The following FAM193A variants were observed in gnomAD, a reference collection of about 807,000 sequenced individuals.
FAM193A encodes family with sequence similarity 193 member A.
Under a neutral mutation model 126.5 loss-of-function variants are expected in FAM193A, and 22 were observed. That is an observed-to-expected ratio of 0.17 (90% confidence interval 0.12 to 0.25). The LOEUF (loss-of-function observed/expected upper bound fraction) is 0.25, where lower values mean the gene tolerates loss of function less well. Ranked by LOEUF, FAM193A falls within the 10% of genes least tolerant of loss-of-function variation. The pLI is 1.00. For synonymous variants in FAM193A, 761 were observed against 646.8 expected, an observed-to-expected ratio of 1.18 and a Z score of -2.68; for missense variants, 1,675 against 1,672.8, an observed-to-expected ratio of 1.00 and a Z score of -0.02.
chr4:2,577,373 T>G (rs530787018), intron 1 of FAM193A, among the ~76,000 whole-genome samples: 9 of 151,702 alleles, frequency 5.9e-5, no homozygotes, highest in Admixed American at 3.3e-4. Flanking sequence ...TGTTTCTTGC[T>G]AAATCAAGTT....
intron 13 of FAM193A, 36 bp from the exon 14 acceptor site, chr4:2,689,470 A>C: frequency 6.8e-7 from 1 of 1,465,952 alleles, no homozygotes; most frequent in Non-Finnish European, 9.2e-7. Flanking sequence ...ACAGAATATT[A>C]ATTTTGATAT....
intron 6 of FAM193A, among the ~76,000 whole-genome samples, chr4:2,640,801 C>A (rs186635776): frequency 1.1e-4 from 16 of 152,014 alleles, no homozygotes; most frequent in Admixed American, 1.0e-3. Flanking sequence ...CCCGTCTCTA[C>A]TAAAAATATA....
At chr4:2,569,117 G>C (rs1487320926) in intron 1 of FAM193A, among the ~76,000 whole-genome samples, 1 of 151,730 alleles carries the variant, frequency 6.6e-6, no homozygotes, top group Admixed American at 6.6e-5. Flanking sequence ...CTACAGGTGT[G>C]CATCACCGCA....
rs774300248 is a variant in FAM193A, at chr4:2,659,684, G to C, written c.1502+14G>C. The C allele has an allele frequency of 6.2e-7, 1 of 1,613,140 alleles. No individual in the cohort carries two copies. Among genetic ancestry groups the C allele is most frequent in the Non-Finnish European group, 8.5e-7 (1 of 1,179,060 alleles). On this transcript the variant is annotated intron_variant, in intron 9 of 20. Transcript: ENST00000637812. ...CTACAGGAGAAGGTAAGGCTGGGTT[G>C]TGGTGTCAGCACGACTGGCCCATTG...
At chr4:2,668,878 T>G (rs575523055) in intron 12 of FAM193A, among the ~76,000 whole-genome samples, 42 of 151,560 alleles carry the variant, frequency 2.8e-4, no homozygotes, top group Non-Finnish European at 4.7e-4. Context: ...AGTCACACTC[T>G]GTTGTCCAGG....
intron 20 of FAM193A, among the ~76,000 whole-genome samples, chr4:2,724,192 AGC>A (rs1720480385): frequency 6.6e-6 from 1 of 152,230 alleles, no homozygotes; most frequent in East Asian, 1.9e-4. Context: ...AATTTCAATC[AGC>A]TTTGACCACA....
intron 20 of FAM193A, 97 bp from the exon 21 acceptor site, chr4:2,731,678 G>GT: frequency 2.1e-6 from 2 of 930,706 alleles, no homozygotes; most frequent in South Asian, 1.4e-5. Context: ...CCCGCAGTGA[G>GT]TTTCTGGCAA....
intron 5 of FAM193A, among the ~76,000 whole-genome samples, chr4:2,638,127 G>C (rs1280534012): frequency 6.6e-6 from 1 of 152,228 alleles, no homozygotes; most frequent in African/African-American, 2.4e-5. Context: ...TCTTCCAGGA[G>C]GCCCCTCCCT....
intron 2 of FAM193A, chr4:2,608,030 C>G: frequency 4.4e-6 from 7 of 1,606,078 alleles, no homozygotes; most frequent in African/African-American, 4.0e-5. Context: ...CCACGCACTT[C>G]ACGTCCGGGT....
At chr4:2,569,560 C>T (rs1006272790) in intron 1 of FAM193A, among the ~76,000 whole-genome samples, 9 of 151,938 alleles carry the variant, frequency 5.9e-5, no homozygotes, top group Non-Finnish European at 1.0e-4. Context: ...GTGCAGTGGC[C>T]GATCATGACT....
intron 20 of FAM193A, among the ~76,000 whole-genome samples, chr4:2,716,385 G>A (rs760477863): frequency 4.0e-5 from 6 of 149,082 alleles, no homozygotes; most frequent in South Asian, 2.2e-4. Context: ...ACTGGCTGTT[G>A]CGCTTCTGAG....
chr4:2,570,931 C>G (rs1020265647), intron 1 of FAM193A, among the ~76,000 whole-genome samples: 22 of 152,182 alleles, frequency 1.4e-4, no homozygotes, highest in African/African-American at 5.3e-4. Flanking sequence ...TTCTCTTCTG[C>G]CGTACACTTC....
rs1172438654 is a variant in FAM193A, at chr4:2,671,639, T to C, written c.2080-482T>C. Among the ~76,000 whole-genome samples the C allele has an allele frequency of 2.0e-5, 3 of 152,182 alleles. No individual in the cohort carries two copies. In the East Asian group the frequency reaches 5.8e-4, roughly 29 times the overall value. ...GCCTCAGAATGGTTGCCTTTGACAA[T>C]TGTGTTCAGTTTTACATTTGCCCTG... On this transcript the variant is annotated intron_variant, in intron 12 of 20. Coordinates refer to ENST00000637812, the MANE Select transcript of FAM193A (RefSeq NM_001366318.2).
At chr4:2,639,904 AG>A in intron 6 of FAM193A, 45 bp downstream of exon 6, 1 of 1,592,872 alleles carries the variant, frequency 6.3e-7, no homozygotes. Flanking sequence ...GTGACAGCAC[AG>A]TCTTTTCTCC....
intron 1 of FAM193A, among the ~76,000 whole-genome samples, chr4:2,561,184 T>G (rs1738591599): frequency 6.6e-6 from 1 of 152,200 alleles, no homozygotes; most frequent in Admixed American, 6.5e-5. Context: ...TGGTAGAGAT[T>G]TCTTTTTTCT....
intron 19 of FAM193A, among the ~76,000 whole-genome samples, chr4:2,713,145 G>A (rs992706615): frequency 2.7e-5 from 4 of 148,652 alleles, no homozygotes; most frequent in South Asian, 2.1e-4. Flanking sequence ...TGTGGCTCAC[G>A]CCTGTAATCT....
At chr4:2,708,317 G>A in intron 19 of FAM193A, 2 of 292,264 alleles carry the variant, frequency 6.8e-6, no homozygotes, top group African/African-American at 2.3e-5. Context: ...TAGAGATAGA[G>A]TTTCACCATG....
chr4:2,639,155 C>T (rs1427460916), intron 5 of FAM193A, among the ~76,000 whole-genome samples: 2 of 152,196 alleles, frequency 1.3e-5, no homozygotes, highest in Non-Finnish European at 2.9e-5. Flanking sequence ...GCTGACATCA[C>T]TCTCTATGAT....
At chr4:2,567,550 G>A (rs950078512) in intron 1 of FAM193A, among the ~76,000 whole-genome samples, 26 of 152,036 alleles carry the variant, frequency 1.7e-4, no homozygotes, top group African/African-American at 6.3e-4. Context: ...CATGATTTTT[G>A]GTGACACAAC....
Sources: gnomAD v4.1 joint callset for allele counts (sites outside exome capture counted in the v4.1 genomes callset) on GRCh38, gnomAD v4.1.1 for gene constraint, MANE v1.5 for transcripts, NCBI Gene and HGNC (gene_info 2026-07-23, HGNC 2026-07-21) for gene names.